The following ACHE variants were observed in gnomAD, a reference collection of about 807,000 sequenced individuals.
ACHE encodes acetylcholinesterase.
Under a neutral mutation model 53.9 loss-of-function variants are expected in ACHE, and 19 were observed. The ratio of observed to expected loss-of-function variants is 0.35; its 90% CI spans 0.25 to 0.52. The LOEUF is 0.52. Among genes scored for constraint, ACHE ranks in the 20% least tolerant of loss-of-function variants. ACHE has a pLI of 0.95. For synonymous variants in ACHE, 392 were observed against 378.1 expected, an observed-to-expected ratio of 1.04 and a Z score of -0.43; for missense variants, 605 against 849.4, an observed-to-expected ratio of 0.71 and a Z score of 3.58.
chr7:100,893,243 G>A lies in ACHE; in HGVS notation c.990C>T (p.Phe330=), dbSNP rs1790808575. 5 of 1,613,976 alleles carry A rather than the reference G, an allele frequency of 3.1e-6. No homozygotes were observed. The South Asian group carries it at 3.3e-5, about 11-fold the overall frequency. ...GGAAGTCTCCATCTACCACAGGCAC[G>A]AAGGAGAACCGGAAGACGCTTTCTT... is the stretch of plus-strand genomic sequence containing the variant. ...LPQESVFRFS[F]VPVVDGDFLS... is the part of the protein sequence containing the mutation. Residue 330 remains phenylalanine (F), a synonymous_variant, in exon 2 of 5, where the codon TTC becomes TTT. Coordinates refer to ENST00000241069, the MANE Select transcript of ACHE (RefSeq NM_000665.5).
Position 100,893,531 on chromosome 7 carries a change from G to A in ACHE, c.702C>T (p.Ser234=), listed in dbSNP as rs142452543. 8.4e-5 allele frequency: 135 copies of A among 1,610,074 alleles called. No individual in the cohort carries two copies. The highest frequency in any genetic ancestry group is 1.1e-4 in the Non-Finnish European group (127 of 1,179,996). The change falls in exon 2 of 5, where the codon AGC becomes AGT. Residue 234 remains serine, a synonymous_variant. Coordinates refer to ENST00000241069, the MANE Select transcript of ACHE (RefSeq NM_000665.5). ...GCATGCCCACCGAGGCGGCTCCCGC[G>A]CTCTCCCCAAACAGCGTCACTGATG... The part of the protein sequence containing the change: ...DPTSVTLFGE[S]AGAASVGMHL...
intron 1 of ACHE, chr7:100,894,479 A>C (rs1268521285): frequency 7.5e-6 from 3 of 399,300 alleles, no homozygotes; most frequent in Non-Finnish European, 8.9e-6. Flanking sequence ...TATCCAGACA[A>C]ATGCAGGGAA....
chr7:100,890,829 C>T (rs955279560), intron 4 of ACHE: 1 of 1,416,308 alleles, frequency 7.1e-7, no homozygotes, highest in African/African-American at 1.4e-5. Context: ...CCTGCCCTGT[C>T]CAGTGTGAGT....
intron 3 of ACHE, among the ~76,000 whole-genome samples, chr7:100,891,863 C>T (rs529320740): frequency 1.3e-5 from 2 of 149,760 alleles, no homozygotes; most frequent in South Asian, 4.3e-4. Context: ...TCACTGCAGC[C>T]TCAACCTCCC....
rs915997320 is a variant in ACHE at position 100,892,544 on chromosome 7, C to T, written c.1343G>A (p.Arg448Gln). 2 of 1,610,402 alleles carry T rather than the reference C, an allele frequency of 1.2e-6. No individual in the cohort carries two copies. Among genetic ancestry groups the T allele is most frequent in the Middle Eastern group, 1.7e-4 (1 of 6,050 alleles). The change falls in exon 3 of 5, where the codon CGA (arginine) becomes CAA (glutamine). Residue 448 changes from arginine (R) to glutamine (Q), a missense_variant. Coordinates refer to ENST00000241069, the MANE Select transcript of ACHE (RefSeq NM_000665.5). The surrounding 1 kb of genome is among the most constrained non-coding windows in gnomAD (Gnocchi z 5.2). ...VVCPVAQLAG[R>Q]LAAQGARVYA... ...GACCCGGGCACCCTGGGCAGCCAGTCGCCCAGCCAGCTGGGCCACGGGGCA... is the reference window on the plus strand; with the variant it reads ...GACCCGGGCACCCTGGGCAGCCAGTTGCCCAGCCAGCTGGGCCACGGGGCA...
Position 100,891,355 on chromosome 7 carries a change from A to G in ACHE, c.1554-17T>C. 1.3e-6 allele frequency: 2 copies of G among 1,529,784 alleles called. No individual in the cohort carries two copies. The highest frequency in any genetic ancestry group is 1.7e-6 in the Non-Finnish European group (2 of 1,143,292). 94.8% of individuals were successfully genotyped at this position (1,529,784 alleles called of 1,614,324 possible). A position where few individuals can be genotyped will look rare whatever the true frequency, so the allele number is the denominator to read the frequency against. On this transcript the variant is annotated splice_polypyrimidine_tract_variant and intron_variant, in intron 3 of 4. Transcript: ENST00000241069. ...TTGGGATCCCTGCGGAAGGAAGGGA[A>G]GGCTCAGTCCAGACGGGCAGTGGGA...
Position 100,892,199 on chromosome 7 carries a change from G to A in ACHE, c.1553+135C>T. Reference sequence around the variant, plus strand: ...TTCTCTCCCCTTTTATCTACTTTGTGAGCATATCCCTCTCTGGCTGTTCTA... The same window carrying A: ...TTCTCTCCCCTTTTATCTACTTTGTAAGCATATCCCTCTCTGGCTGTTCTA... On this transcript the variant is annotated intron_variant, in intron 3 of 4. Coordinates refer to ENST00000241069, the MANE Select transcript of ACHE (RefSeq NM_000665.5). The surrounding 1 kb of genome is among the most constrained non-coding windows in gnomAD (Gnocchi z 5.2). 1 of 1,125,966 alleles carries A rather than the reference G, an allele frequency of 8.9e-7. No individual in the cohort carries two copies. The highest frequency in any genetic ancestry group is 3.1e-5 in the South Asian group (1 of 32,068). The allele number at this position is 1,125,966 out of a possible 1,614,324, so 69.7% of individuals were successfully genotyped here.
Position 100,893,719 on chromosome 7 carries a change from C to A in ACHE, c.514G>T (p.Ala172Ser). 1 of 1,613,512 alleles carries A rather than the reference C, an allele frequency of 6.2e-7. No individual in the cohort carries two copies. The highest frequency in any genetic ancestry group is 1.1e-5 in the South Asian group (1 of 91,088). ...DVYDGRFLVQ[A>S]ERTVLVSMNY... The stretch of plus-strand genomic sequence containing the variant: ...ATGGACACCAGCACAGTCCTCTCGG[C>A]CTGTACCAAGAAGCGGCCATCGTAC... Residue 172 changes from alanine (A) to serine (S), a missense_variant, in exon 2 of 5, where the codon GCC becomes TCC. By Grantham distance (99) the Ala-to-Ser change is moderately conservative. This residue lies in a region of ACHE where 397 missense variants were observed against 632.5 expected (regional missense o/e 0.63). Coordinates refer to ENST00000241069, the MANE Select transcript of ACHE (RefSeq NM_000665.5).
rs748740013 is a variant in ACHE at position 100,893,132 on chromosome 7, G to A, written c.1068+33C>T. ...GGGGAGGGACCGTTGGGACCCAGAGGAGCCAGCTTCACGCCAGCTAGCCAC... is the reference window on the plus strand; with the variant it reads ...GGGGAGGGACCGTTGGGACCCAGAGAAGCCAGCTTCACGCCAGCTAGCCAC... On this transcript the variant is annotated intron_variant, in intron 2 of 4. Coordinates refer to ENST00000241069, the MANE Select transcript of ACHE (RefSeq NM_000665.5). 1.3e-5 allele frequency: 21 copies of A among 1,602,768 alleles called. No individual in the cohort carries two copies. The Admixed American group carries it at 2.2e-4, about 17-fold the overall frequency.
chr7:100,891,943 G>A lies in ACHE; in HGVS notation c.1553+391C>T, dbSNP rs146392960. Among the ~76,000 whole-genome samples the A allele has an allele frequency of 6.6e-3, 1,001 of 152,008 alleles. 26 individuals are homozygous for A. The highest frequency in any genetic ancestry group is 0.035 in the Admixed American group (532 of 15,262). Reference sequence around the variant, plus strand: ...CTAGAGGCACGAGCCACCGTGCCTGGCTAAGTTTTGTATTTTTTTTCTTTT... The same window carrying A: ...CTAGAGGCACGAGCCACCGTGCCTGACTAAGTTTTGTATTTTTTTTCTTTT... On this transcript the variant is annotated intron_variant, in intron 3 of 4. Coordinates refer to ENST00000241069, the MANE Select transcript of ACHE (RefSeq NM_000665.5).
intron 3 of ACHE, among the ~76,000 whole-genome samples, chr7:100,891,782 C>CTT (rs1563034556): frequency 6.2e-4 from 70 of 112,388 alleles, no homozygotes; most frequent in African/African-American, 1.6e-3. Context: ...TCTTGGTCTC[C>CTT]CTTTTTTTTT....
chr7:100,890,647 C>G (rs1790619838), intron 4 of ACHE: 2 of 1,373,572 alleles, frequency 1.5e-6, no homozygotes, highest in Admixed American at 3.2e-5. Flanking sequence ...AATGGTTGAC[C>G]GTTATAGCCC....
Position 100,893,176 on chromosome 7 carries a change from G to T in ACHE, c.1057C>A (p.His353Asn), listed in dbSNP as rs1799805. 0.039 allele frequency: 62,907 copies of T among 1,613,808 alleles called. 1,596 individuals are homozygous for T. Among genetic ancestry groups the T allele is most frequent in the Middle Eastern group, 0.1 (606 of 6,062 alleles). ...TAGCCACTAGTTACCTGCAGGCCGT[G>T]GAAGTCTCCCGCGTTGATGAGGGCC... ...PEALINAGDF[H>N]GLQVLVGVVK... is the part of the protein sequence containing the mutation. The change falls in exon 2 of 5, where the codon CAC (histidine) becomes AAC (asparagine). Residue 353 changes from histidine to asparagine, a missense_variant. Transcript: ENST00000241069.
chr7:100,893,201 C>A lies in ACHE; in HGVS notation c.1032G>T (p.Glu344Asp), dbSNP rs17880119. The A allele has an allele frequency of 1.4e-5, 23 of 1,613,938 alleles. No homozygotes were observed. Among genetic ancestry groups the A allele is most frequent in the Non-Finnish European group, 1.9e-5 (23 of 1,180,018 alleles). Residue 344 changes from glutamate to aspartate, a missense_variant, in exon 2 of 5, where the codon GAG (glutamate) becomes GAT (aspartate). By Grantham distance (45) the Glu-to-Asp change is conservative. This residue lies in a region of ACHE where 397 missense variants were observed against 632.5 expected (regional missense o/e 0.63). Coordinates refer to ENST00000241069, the MANE Select transcript of ACHE (RefSeq NM_000665.5). The part of the protein sequence containing the change: ...VDGDFLSDTP[E>D]ALINAGDFHG... ...GGAAGTCTCCCGCGTTGATGAGGGC[C>A]TCTGGGGTGTCACTGAGGAAGTCTC...
Position 100,894,027 on chromosome 7 carries a change from G to A in ACHE, c.206C>T (p.Ala69Val), listed in dbSNP as rs1790868683. The A allele has an allele frequency of 3.7e-6, 6 of 1,606,844 alleles. No homozygotes were observed. Among genetic ancestry groups the A allele is most frequent in the Non-Finnish European group, 5.1e-6 (6 of 1,176,642 alleles). Residue 69 changes from alanine (A) to valine (V), a missense_variant, in exon 2 of 5, where the codon GCG becomes GTG. Around this residue, in one of 4 missense-constraint regions of ACHE, gnomAD observed 397 missense variants for 632.5 expected, o/e 0.63. Coordinates refer to ENST00000241069, the MANE Select transcript of ACHE (RefSeq NM_000665.5). ...GCGACGGGGTCCCATGGGTGGCTCCGCAAAGGGGATGCCCAGGAAAGCAGA... is the reference window on the plus strand; with the variant it reads ...GCGACGGGGTCCCATGGGTGGCTCCACAAAGGGGATGCCCAGGAAAGCAGA... ...PVSAFLGIPF[A>V]EPPMGPRRFL...
At chr7:100,890,702 A>G (rs918834975) in intron 4 of ACHE, 43 of 1,325,744 alleles carry the variant, frequency 3.2e-5, no homozygotes, top group East Asian at 3.2e-4. Context: ...CTTCCCCCCA[A>G]TGTCAGGCTC....
rs762461965 is a variant in ACHE, at chr7:100,890,301, G to A, written c.1758C>T (p.Ala586=). 6.2e-7 allele frequency: 1 copy of A among 1,607,912 alleles called. No individual in the cohort carries two copies. The highest frequency in any genetic ancestry group is 1.3e-5 in the African/African-American group (1 of 74,970). The change falls in exon 5 of 5, where the codon GCC becomes GCT. Residue 586 remains alanine (A), a synonymous_variant. Transcript: ENST00000241069. ...TGTAGGAGCTCCAGCGGTGGAACTCGGCCTTCCACTGGCGCTCCGCCTCGT... is the reference window on the plus strand; with the variant it reads ...TGTAGGAGCTCCAGCGGTGGAACTCAGCCTTCCACTGGCGCTCCGCCTCGT... ...TLDEAERQWK[A]EFHRWSSYMV... is the part of the protein sequence containing the mutation.
chr7:100,895,518 C>T (rs1246655337), intron 1 of ACHE, among the ~76,000 whole-genome samples: 1 of 152,150 alleles, frequency 6.6e-6, no homozygotes, highest in East Asian at 1.9e-4. Context: ...TTCCAGTGGC[C>T]CCGGACTAGG....
Position 100,893,700 on chromosome 7 carries a change from AC to A in ACHE, c.532del (p.Val178CysfsTer3). On this transcript the variant is annotated frameshift_variant, in exon 2 of 5. Transcript: ENST00000241069. LOFTEE classifies it high-confidence loss of function. ...FLVQAERTVL[V>X]SMNYRVGAFG... is the part of the protein sequence containing the mutation. The stretch of plus-strand genomic sequence containing the variant: ...GGCTCCCACCCGGTAGTTCATGGAC[AC>A]CAGCACAGTCCTCTCGGCCTGTACC... The A allele has an allele frequency of 6.2e-7, 1 of 1,613,476 alleles. No individual in the cohort carries two copies. The highest frequency in any genetic ancestry group is 8.5e-7 in the Non-Finnish European group (1 of 1,180,016).
Sources: allele counts gnomAD v4.1 joint callset (sites outside exome capture counted in the v4.1 genomes callset), GRCh38; gene constraint gnomAD v4.1.1; regional missense constraint gnomAD v4.1.1; non-coding constraint Gnocchi (gnomAD v3.1); transcripts MANE v1.5; gene names NCBI Gene and HGNC (gene_info 2026-07-23, HGNC 2026-07-21).